Variants in ANKRD45 observed in about 807,000 individuals in gnomAD.
The protein encoded by ANKRD45 is ankyrin repeat domain 45.
ANKRD45 carries 21 observed loss-of-function variants against 28.1 expected under a neutral mutation model. The observed-to-expected ratio is 0.75, with a 90% CI of 0.53 to 1.08. The LOEUF (loss-of-function observed/expected upper bound fraction) is 1.08, where lower values mean the gene tolerates loss of function less well. Among genes scored for constraint, ANKRD45 ranks in the 50% least tolerant of loss-of-function variants. The probability of loss-of-function intolerance (pLI) is 0.00; values close to 1 mark genes in which losing one functional copy is unlikely to be tolerated. For synonymous variants in ANKRD45, 86 were observed against 103.9 expected (o/e 0.83, Z 1.05); for missense variants, 261 against 308.7 (o/e 0.85, Z 1.16).
chr1:173,624,271 T>A (rs1004663623), intron 5 of ANKRD45, among the ~76,000 whole-genome samples: 2 of 151,944 alleles, frequency 1.3e-5, no homozygotes, highest in African/African-American at 2.4e-5. Context: ...GGCAGGAGGA[T>A]TACATGAAGC....
the ANKRD45 span, among the ~76,000 whole-genome samples, chr1:173,701,541 C>T: frequency 2.0e-5 from 3 of 152,132 alleles, no homozygotes; most frequent in African/African-American, 4.8e-5. Context: ...AAGCTGGAAA[C>T]CATCATTCTC....
chr1:173,629,671 C>A (rs1432795218), intron 3 of ANKRD45, among the ~76,000 whole-genome samples: 2 of 151,812 alleles, frequency 1.3e-5, no homozygotes, highest in Non-Finnish European at 2.9e-5. Flanking sequence ...AGAAAATAGC[C>A]TCAAAAGGGC....
chr1:173,668,453 T>C (rs1273458261), intron 1 of ANKRD45, among the ~76,000 whole-genome samples: 2 of 151,998 alleles, frequency 1.3e-5, no homozygotes, highest in Non-Finnish European at 2.9e-5. Flanking sequence ...AAGAAAGCCA[T>C]AGGGCAGGGA....
intron 1 of ANKRD45, among the ~76,000 whole-genome samples, chr1:173,661,375 C>T (rs1302032982): frequency 6.6e-6 from 1 of 152,186 alleles, no homozygotes; most frequent in African/African-American, 2.4e-5. Flanking sequence ...GCAAAGATCA[C>T]AGGTATTTTT....
At chr1:173,685,629 A>G in the ANKRD45 span, among the ~76,000 whole-genome samples, 1 of 152,202 alleles carries the variant, frequency 6.6e-6, no homozygotes, top group Admixed American at 6.6e-5. Flanking sequence ...TCTAACTCCT[A>G]TGATAGCTAT....
chr1:173,635,876 C>A, intron 3 of ANKRD45: 1 of 1,430,466 alleles, frequency 7.0e-7, no homozygotes, highest in Non-Finnish European at 9.4e-7. Context: ...GTAATAGTTA[C>A]AAAATCTCTA....
Position 173,624,945 on chromosome 1 carries a change from G to T in ANKRD45, c.592-20C>A. ...GGTATTCTAGGGACAGAAATACAGA[G>T]TTTGCTCTCCACTTATTTATTGAAA... On this transcript the variant is annotated intron_variant, in intron 4 of 5. Transcript: ENST00000333279. 6.3e-7 allele frequency: 1 copy of T among 1,596,492 alleles called. No homozygotes were observed.
At chr1:173,675,713 G>A in the ANKRD45 span, among the ~76,000 whole-genome samples, 2 of 152,078 alleles carry the variant, frequency 1.3e-5, no homozygotes, top group Non-Finnish European at 1.5e-5. Context: ...AACAACGGGT[G>A]TACTATAGTT....
At chr1:173,713,740 G>A in the ANKRD45 span, among the ~76,000 whole-genome samples, 2 of 151,462 alleles carry the variant, frequency 1.3e-5, no homozygotes, top group Admixed American at 1.3e-4. Flanking sequence ...CCCTATGACT[G>A]CACCAGTCAG....
At chr1:173,634,130 GA>G (rs375796693) in intron 3 of ANKRD45, among the ~76,000 whole-genome samples, 1 of 151,612 alleles carries the variant, frequency 6.6e-6, no homozygotes, top group Admixed American at 6.6e-5. Context: ...AACTCAATAG[GA>G]AAAAAATCTA....
chr1:173,707,040 T>G, the ANKRD45 span, among the ~76,000 whole-genome samples: 1 of 152,184 alleles, frequency 6.6e-6, no homozygotes, highest in Non-Finnish European at 1.5e-5. Context: ...TGAGCAAGAT[T>G]GCTCATGATA....
chr1:173,672,931 G>A (rs1670303537), upstream of ANKRD45, among the ~76,000 whole-genome samples: 1 of 152,120 alleles, frequency 6.6e-6, no homozygotes, highest in South Asian at 2.1e-4. Context: ...TGAAGGCCTG[G>A]TGAACAGACA....
chr1:173,633,599 T>C (rs1490149670), intron 3 of ANKRD45, among the ~76,000 whole-genome samples: 1 of 152,096 alleles, frequency 6.6e-6, no homozygotes. Flanking sequence ...CTTCAAATTA[T>C]ACTACAGAGC....
chr1:173,626,531 A>T (rs1667944444), intron 4 of ANKRD45, among the ~76,000 whole-genome samples: 1 of 152,174 alleles, frequency 6.6e-6, no homozygotes, highest in Non-Finnish European at 1.5e-5. Context: ...AATGAAATGA[A>T]TATTTCCATT....
chr1:173,682,941 C>CTTT, the ANKRD45 span, among the ~76,000 whole-genome samples: 51,278 of 149,574 alleles, frequency 0.34, 12,591 homozygotes, highest in African/African-American at 0.71. Context: ...TTGCCTCTCT[C>CTTT]TTTTTTTTTC....
the ANKRD45 span, among the ~76,000 whole-genome samples, chr1:173,709,231 C>T: frequency 3.0e-3 from 458 of 152,286 alleles, 2 homozygotes; most frequent in Non-Finnish European, 4.9e-3. Flanking sequence ...CTTCCAAGCT[C>T]ACTCATGTTG....
At position 173,653,361 on chromosome 1, in the gene ANKRD45, T is replaced by C. The variant is rs940970155; in HGVS notation, c.328+5730A>G. On this transcript the variant is annotated intron_variant, in intron 2 of 5. Coordinates refer to ENST00000333279, the MANE Select transcript of ANKRD45 (RefSeq NM_198493.3). ...TGCCTTCATTTCATTACTTATCCAG[T>C]AGTCATTCAGGAGCAGATTGTTCAG... Among the ~76,000 whole-genome samples the C allele has an allele frequency of 5.9e-5, 9 of 152,308 alleles. No individual in the cohort carries two copies. In the East Asian group the frequency reaches 1.2e-3, roughly 20 times the overall value.
rs1406091165 is a variant in ANKRD45, at chr1:173,659,295, G to A, written c.124C>T (p.Pro42Ser). The change falls in exon 2 of 6, where the codon CCT becomes TCT. Residue 42 changes from proline (P) to serine (S), a missense_variant. Physicochemically the swap from Pro to Ser is moderately conservative, Grantham distance 74. Transcript: ENST00000333279. ...CCCTCTACATCCCCTGTGAGAGCAG[G>A]TTGTAAAAGGGGGTTCTTAGGGCCT... ...ETGPKNPLLQ[P>S]ALTGDVEGLQ... 3.1e-6 allele frequency: 5 copies of A among 1,613,890 alleles called. No homozygotes were observed. The highest frequency in any genetic ancestry group is 3.3e-5 in the Admixed American group (2 of 59,954).
intron 2 of ANKRD45, among the ~76,000 whole-genome samples, chr1:173,648,229 T>C (rs1474626857): frequency 6.6e-6 from 1 of 152,280 alleles, no homozygotes; most frequent in Non-Finnish European, 1.5e-5. Flanking sequence ...TAAGCCACCA[T>C]GCCCAGCCAA....
Sources: gnomAD v4.1 joint callset for allele counts (sites outside exome capture counted in the v4.1 genomes callset) on GRCh38, gnomAD v4.1.1 for gene constraint, MANE v1.5 for transcripts, NCBI Gene and HGNC (gene_info 2026-07-23, HGNC 2026-07-21) for gene names.